Variants in C2orf49 observed in about 807,000 individuals in gnomAD.
C2orf49 encodes tRNA splicing ligase complex subunit 2, also known as tRNA-splicing ligase complex subunit ASW.
C2orf49 carries 11 observed loss-of-function variants against 20.6 expected under a neutral mutation model. The observed-to-expected ratio is 0.53, with a 90% CI of 0.34 to 0.88. C2orf49 has a LOEUF of 0.88. C2orf49 is among the 40% of genes least tolerant of loss of function. The pLI is 0.02. For synonymous variants in C2orf49, 134 were observed against 108.5 expected (o/e 1.24, Z -1.46); for missense variants, 289 against 274.2 (o/e 1.05, Z -0.38).
At chr2:105,384,041 G>A in the C2orf49 span, among the ~76,000 whole-genome samples, 6 of 152,096 alleles carry the variant, frequency 3.9e-5, no homozygotes, top group African/African-American at 1.2e-4. Flanking sequence ...GAAGGATGAC[G>A]GCTTTTAAGG....
downstream of C2orf49, among the ~76,000 whole-genome samples, chr2:105,352,440 T>G (rs996194272): frequency 1.0e-4 from 13 of 125,034 alleles, no homozygotes; most frequent in African/African-American, 3.6e-4. Flanking sequence ...TTTTTTTTTT[T>G]TTTTTTTTTT....
At chr2:105,368,782 C>A in the C2orf49 span, among the ~76,000 whole-genome samples, 3 of 152,184 alleles carry the variant, frequency 2.0e-5, no homozygotes, top group African/African-American at 7.2e-5. Context: ...TAAACAAGTA[C>A]CCTTCATATA....
chr2:105,342,886 T>C lies in C2orf49; in HGVS notation c.305T>C (p.Ile102Thr). Residue 102 changes from isoleucine (I) to threonine (T), a missense_variant, in exon 3 of 4, where the codon ATC (isoleucine) becomes ACC (threonine). Physicochemically the swap from Ile to Thr is moderately conservative, Grantham distance 89. Coordinates refer to ENST00000258457, the MANE Select transcript of C2orf49 (RefSeq NM_024093.3). ...TVDGLRKRPL[I>T]VFDGSSTSTS... ...GATGGGTTAAGGAAAAGACCCCTCATCGTATTTGATGGAAGTTCAACAAGT... is the reference window on the plus strand; with the variant it reads ...GATGGGTTAAGGAAAAGACCCCTCACCGTATTTGATGGAAGTTCAACAAGT... 1 of 1,614,154 alleles carries C rather than the reference T, an allele frequency of 6.2e-7. No homozygotes were observed. The highest frequency in any genetic ancestry group is 8.5e-7 in the Non-Finnish European group (1 of 1,180,010).
At chr2:105,373,564 A>G in the C2orf49 span, 1 of 1,614,260 alleles carries the variant, frequency 6.2e-7, no homozygotes, top group Non-Finnish European at 8.5e-7. Flanking sequence ...CTGACCTGGC[A>G]TGATGGTCTT....
At chr2:105,337,721 G>GGGGGGGGC in intron 1 of C2orf49, 35 bp downstream of exon 1, 1 of 26,800 alleles carries the variant, frequency 3.7e-5, no homozygotes, top group Non-Finnish European at 6.6e-5. Flanking sequence ...GGGCGGGTGG[G>GGGGGGGGC]CCTTCCCAGG....
the C2orf49 span, chr2:105,374,096 A>G: frequency 3.2e-5 from 10 of 311,054 alleles, no homozygotes; most frequent in Admixed American, 2.7e-4. Context: ...TGACAGAGAA[A>G]CAGACTGCAG....
the C2orf49 span, chr2:105,361,352 T>A: frequency 1.2e-6 from 2 of 1,614,050 alleles, no homozygotes; most frequent in Non-Finnish European, 1.7e-6. Context: ...GCCCCACCAG[T>A]GAGAGGGAGC....
At chr2:105,340,661 A>T (rs1156548183) in intron 2 of C2orf49, among the ~76,000 whole-genome samples, 2 of 152,208 alleles carry the variant, frequency 1.3e-5, no homozygotes, top group African/African-American at 4.8e-5. Flanking sequence ...AGTTTTATAA[A>T]ACCACAAGCA....
chr2:105,342,954 C>A lies in C2orf49; in HGVS notation c.373C>A (p.Arg125=). 6.2e-7 allele frequency: 1 copy of A among 1,614,160 alleles called. No individual in the cohort carries two copies. Among genetic ancestry groups the A allele is most frequent in the Non-Finnish European group, 8.5e-7 (1 of 1,180,024 alleles). ...VKKTENGDND[R]LKPPPQASFT... is the part of the protein sequence containing the mutation. ...AAAGACAGAGAATGGAGATAATGAT[C>A]GACTGAAGCCTCCCCCGCAGGCAAG... Residue 125 remains arginine, a synonymous_variant, in exon 3 of 4, where the codon CGA becomes AGA. Coordinates refer to ENST00000258457, the MANE Select transcript of C2orf49 (RefSeq NM_024093.3).
the C2orf49 span, among the ~76,000 whole-genome samples, chr2:105,356,958 A>T: frequency 2.6e-5 from 4 of 151,944 alleles, no homozygotes; most frequent in East Asian, 7.7e-4. Context: ...TTCTTTTTTA[A>T]GAAGGTCTCA....
the C2orf49 span, among the ~76,000 whole-genome samples, chr2:105,381,383 G>C: frequency 0.13 from 20,480 of 152,042 alleles, 1,464 homozygotes; most frequent in East Asian, 0.29. Context: ...AGTCCCGTGA[G>C]CTAGGAACCC....
the C2orf49 span, among the ~76,000 whole-genome samples, chr2:105,366,314 A>G: frequency 6.6e-6 from 1 of 152,244 alleles, no homozygotes; most frequent in Admixed American, 6.5e-5. Flanking sequence ...ATTCTTGCCC[A>G]GGCCAGCCAG....
At chr2:105,377,946 G>C in the C2orf49 span, 1 of 424,086 alleles carries the variant, frequency 2.4e-6, no homozygotes, top group Admixed American at 2.7e-5. Flanking sequence ...TCAGTGACAA[G>C]AGAGGGAAGA....
At chr2:105,361,180 T>C in the C2orf49 span, 4 of 1,195,836 alleles carry the variant, frequency 3.3e-6, no homozygotes, top group Non-Finnish European at 4.8e-6. Flanking sequence ...GAAGAAAGTC[T>C]CAATGTGGCT....
the C2orf49 span, among the ~76,000 whole-genome samples, chr2:105,354,890 G>GA: frequency 6.3e-3 from 954 of 152,260 alleles, 14 homozygotes; most frequent in African/African-American, 0.022. Flanking sequence ...GCTAAACAGA[G>GA]AAAAATGCTT....
chr2:105,367,709 C>T, the C2orf49 span: 2 of 1,614,148 alleles, frequency 1.2e-6, no homozygotes, highest in East Asian at 4.5e-5. Flanking sequence ...CTCATGCCAG[C>T]TGCTGCCCTT....
At chr2:105,338,865 A>G (rs1451101621) in intron 1 of C2orf49, among the ~76,000 whole-genome samples, 1 of 152,168 alleles carries the variant, frequency 6.6e-6, no homozygotes, top group African/African-American at 2.4e-5. Context: ...CTTAAATCCA[A>G]ACTCTGTCTT....
chr2:105,375,951 T>G, the C2orf49 span: 1 of 152,182 alleles, frequency 6.6e-6, no homozygotes, highest in Non-Finnish European at 1.5e-5. Flanking sequence ...GACAAACTGC[T>G]TTGATTTGAG....
chr2:105,373,718 C>G, the C2orf49 span: 2 of 1,613,870 alleles, frequency 1.2e-6, no homozygotes, highest in African/African-American at 2.7e-5. Flanking sequence ...CAGTGCCGGT[C>G]CTTGTAAGAC....
Sources: allele counts gnomAD v4.1 joint callset (sites outside exome capture counted in the v4.1 genomes callset), GRCh38; gene constraint gnomAD v4.1.1; transcripts MANE v1.5; gene names NCBI Gene and HGNC (gene_info 2026-07-23, HGNC 2026-07-21).